MYRFL: variants seen among roughly 807,000 people sequenced by gnomAD.
The protein encoded by MYRFL is myelin regulatory factor like, also known as myelin regulatory factor-like protein.
A neutral mutation model predicts 109.4 loss-of-function variants in MYRFL; 88 were observed. The observed-to-expected ratio is 0.80, with a 90% confidence interval of 0.68 to 0.96. The LOEUF is 0.96. Ranked by LOEUF, MYRFL falls within the 40% of genes least tolerant of loss-of-function variation. The probability of loss-of-function intolerance (pLI) is 0.00; values close to 1 mark genes in which losing one functional copy is unlikely to be tolerated. For missense variants in MYRFL, 957 were observed against 954.9 expected, an observed-to-expected ratio of 1.00 and a Z score of -0.03; for synonymous variants, 324 against 320.9, an observed-to-expected ratio of 1.01 and a Z score of -0.10.
At chr12:69,947,554 A>C (rs1238411581) in intron 19 of MYRFL, among the ~76,000 whole-genome samples, 1 of 152,240 alleles carries the variant, frequency 6.6e-6, no homozygotes, top group Non-Finnish European at 1.5e-5. Context: ...ATTTTAATCC[A>C]TGGAACCAGT....
intron 1 of MYRFL, among the ~76,000 whole-genome samples, chr12:69,846,969 T>A (rs922189223): frequency 6.6e-6 from 1 of 152,066 alleles, no homozygotes; most frequent in Non-Finnish European, 1.5e-5. Flanking sequence ...CATTTTTTCA[T>A]GTGTTTTTTG....
chr12:69,944,201 T>C (rs1344088669), intron 19 of MYRFL, among the ~76,000 whole-genome samples: 1 of 142,120 alleles, frequency 7.0e-6, no homozygotes, highest in Admixed American at 7.1e-5. Flanking sequence ...CCCAAAGGAC[T>C]ATAAATCATG....
In MYRFL at chr12:69,891,078, T is replaced by G; in HGVS notation, c.815T>G (p.Ile272Ser). The G allele has an allele frequency of 6.5e-7, 1 of 1,535,126 alleles. No individual in the cohort carries two copies. Among genetic ancestry groups the G allele is most frequent in the South Asian group, 1.2e-5 (1 of 83,752 alleles). The stretch of plus-strand genomic sequence containing the variant: ...AATCATTTCCAGATAACCATTCACA[T>G]CCAAGTTTGGGGAAGTCCAAAATTT... Reference protein sequence around the residue: ...KKNHFQITIHIQVWGSPKFVE... With the variant: ...KKNHFQITIHSQVWGSPKFVE... Residue 272 changes from isoleucine to serine, a missense_variant, in exon 7 of 25, where the codon ATC becomes AGC. Physicochemically the swap from Ile to Ser is moderately radical, Grantham distance 142. Coordinates refer to ENST00000552032, the MANE Select transcript of MYRFL (RefSeq NM_182530.3).
At chr12:69,910,976 G>T (rs1367394187) in intron 13 of MYRFL, 46 bp downstream of exon 13, 16 of 1,357,774 alleles carry the variant, frequency 1.2e-5, no homozygotes, top group African/African-American at 1.4e-5. Flanking sequence ...TCAGTCTAGG[G>T]ATAAACCCCC....
chr12:69,929,689 A>G (rs1034483016), intron 15 of MYRFL, among the ~76,000 whole-genome samples: 9 of 152,244 alleles, frequency 5.9e-5, no homozygotes, highest in East Asian at 3.8e-4. Context: ...AAAAGGAGGC[A>G]GCATAGCACT....
At chr12:69,892,449 C>A (rs180760803) in intron 7 of MYRFL, among the ~76,000 whole-genome samples, 6 of 152,284 alleles carry the variant, frequency 3.9e-5, no homozygotes, top group Non-Finnish European at 8.8e-5. Context: ...TTCGCTCTGT[C>A]GCCTAGACTG....
intron 1 of MYRFL, among the ~76,000 whole-genome samples, chr12:69,846,106 C>CTTTTTTTTTTTTTTT (rs60251292): frequency 1.6e-5 from 1 of 61,732 alleles, no homozygotes; most frequent in Admixed American, 2.5e-4. Context: ...TATTGACTAT[C>CTTTTTTTTTTTTTTT]TTTTTTTTTT....
chr12:69,902,164 G>A (rs1033539440), intron 10 of MYRFL, among the ~76,000 whole-genome samples: 16 of 152,214 alleles, frequency 1.1e-4, no homozygotes, highest in Middle Eastern at 3.4e-3. Flanking sequence ...AAAGTGCTGG[G>A]ATTACAGGTG....
intron 10 of MYRFL, among the ~76,000 whole-genome samples, chr12:69,899,395 G>T (rs1241759071): frequency 6.6e-6 from 1 of 151,916 alleles, no homozygotes; most frequent in African/African-American, 2.4e-5. Context: ...TTCTAGAGGG[G>T]CCTATACAGG....
At chr12:69,915,645 T>C (rs1174660730) in intron 13 of MYRFL, among the ~76,000 whole-genome samples, 1 of 152,144 alleles carries the variant, frequency 6.6e-6, no homozygotes, top group Non-Finnish European at 1.5e-5. Flanking sequence ...AATTTGCCTC[T>C]TCTCATATAT....
intron 13 of MYRFL, among the ~76,000 whole-genome samples, chr12:69,916,655 T>C (rs1954737365): frequency 6.6e-6 from 1 of 152,108 alleles, no homozygotes; most frequent in Non-Finnish European, 1.5e-5. Context: ...AATCTCCCTT[T>C]CCCACTGGCC....
rs1217457102 is a variant in MYRFL at position 69,958,429 on chromosome 12, T to TC, written c.2647-15dup. ...TTACATTAATCTTCCTTTTTTTTTT[T>TC]CTCCTTTTCTGACAGGATTTAGCTG... On this transcript the variant is annotated splice_polypyrimidine_tract_variant and intron_variant, in intron 24 of 24. Transcript: ENST00000552032. 1.3e-6 allele frequency: 2 copies of TC among 1,502,216 alleles called. No individual in the cohort carries two copies. Among genetic ancestry groups the TC allele is most frequent in the Non-Finnish European group, 1.8e-6 (2 of 1,128,238 alleles). 93.1% of individuals were successfully genotyped at this position (1,502,216 alleles called of 1,614,324 possible).
intron 11 of MYRFL, among the ~76,000 whole-genome samples, chr12:69,905,759 G>C (rs928009968): frequency 1.3e-5 from 2 of 152,122 alleles, no homozygotes; most frequent in Non-Finnish European, 2.9e-5. Context: ...CATATTAATA[G>C]ATTTGTTTTG....
At chr12:69,956,951 ATCC>A (rs575540368) in intron 22 of MYRFL, among the ~76,000 whole-genome samples, 47 of 152,358 alleles carry the variant, frequency 3.1e-4, no homozygotes, top group African/African-American at 1.0e-3. Context: ...TATATGCTAT[ATCC>A]CCTGAAGTGG....
At chr12:69,833,009 A>G (rs1592675467) in intron 1 of MYRFL, among the ~76,000 whole-genome samples, 1 of 150,156 alleles carries the variant, frequency 6.7e-6, no homozygotes, top group South Asian at 2.1e-4. Flanking sequence ...CATTTGGGAC[A>G]TTTTACGTTT....
intron 15 of MYRFL, 98 bp downstream of exon 15, chr12:69,927,846 G>GA (rs1955144806): frequency 3.6e-6 from 4 of 1,108,406 alleles, no homozygotes; most frequent in African/African-American, 3.2e-5. Context: ...TCTTTGTTCA[G>GA]AAAATCCCTA....
chr12:69,879,068 G>A lies in MYRFL; in HGVS notation c.178G>A (p.Asp60Asn), dbSNP rs1038026489. The A allele has an allele frequency of 2.8e-6, 2 of 702,934 alleles. No homozygotes were observed. The highest frequency in any genetic ancestry group is 1.5e-5 in the South Asian group (1 of 67,568). The allele number at this position is 702,934 out of a possible 1,614,324, so 43.5% of individuals were successfully genotyped here. ...AGACACCCCGCCCTATTCTGCATCC[G>A]ACTCATGCTCTCCTCCGCAGGTCAA... ...LPDTPPYSAS[D>N]SCSPPQVKGA... Residue 60 changes from aspartate to asparagine, a missense_variant, in exon 3 of 25, where the codon GAC becomes AAC. Coordinates refer to ENST00000552032, the MANE Select transcript of MYRFL (RefSeq NM_182530.3).
intron 2 of MYRFL, among the ~76,000 whole-genome samples, chr12:69,857,694 T>C (rs892154531): frequency 7.2e-5 from 11 of 151,990 alleles, no homozygotes; most frequent in African/African-American, 1.2e-4. Flanking sequence ...TATGGAAATA[T>C]TGATTTTCAT....
intron 22 of MYRFL, among the ~76,000 whole-genome samples, chr12:69,956,723 G>C (rs77472584): frequency 0.025 from 3,798 of 151,946 alleles, 171 homozygotes; most frequent in African/African-American, 0.087. Flanking sequence ...CTTTGCCTCT[G>C]TGAGGAACCA....
Sources: gnomAD v4.1 joint callset for allele counts (sites outside exome capture counted in the v4.1 genomes callset) on GRCh38, gnomAD v4.1.1 for gene constraint, MANE v1.5 for transcripts, NCBI Gene and HGNC (gene_info 2026-07-23, HGNC 2026-07-21) for gene names.